Variants in MBTD1 observed in about 807,000 individuals in gnomAD.
MBTD1 encodes mbt domain containing 1, also known as MBT domain-containing protein 1.
In MBTD1, 24 loss-of-function variants were observed where a neutral mutation model predicts 87.8. The observed-to-expected ratio is 0.27, with a 90% CI of 0.20 to 0.38. The LOEUF (loss-of-function observed/expected upper bound fraction) is 0.38. Among genes scored for constraint, MBTD1 ranks in the 10% least tolerant of loss-of-function variants. MBTD1 has a pLI of 1.00. For missense variants in MBTD1, 436 were observed against 760.2 expected, an observed-to-expected ratio of 0.57 and a Z score of 5.02; for synonymous variants, 237 against 248.6, an observed-to-expected ratio of 0.95 and a Z score of 0.44.
At chr17:51,219,896 C>A (rs2052786898) in intron 4 of MBTD1, among the ~76,000 whole-genome samples, 1 of 152,068 alleles carries the variant, frequency 6.6e-6, no homozygotes, top group South Asian at 2.1e-4. Flanking sequence ...TACATTTGGT[C>A]AATGTATCAA....
At chr17:51,218,306 A>T (rs1376502799) in intron 5 of MBTD1, among the ~76,000 whole-genome samples, 1 of 151,934 alleles carries the variant, frequency 6.6e-6, no homozygotes, top group African/African-American at 2.4e-5. Flanking sequence ...AGGTGGGTGG[A>T]TCATTTGAGG....
At chr17:51,203,283 A>C (rs2051600953) in intron 8 of MBTD1, 55 bp from the exon 9 acceptor site, 2 of 879,896 alleles carry the variant, frequency 2.3e-6, no homozygotes, top group South Asian at 4.4e-5. Context: ...TGCTTCATAA[A>C]TTATTTGTTA....
intron 2 of MBTD1, among the ~76,000 whole-genome samples, chr17:51,234,132 G>A (rs1291109841): frequency 6.6e-6 from 1 of 152,114 alleles, no homozygotes; most frequent in Non-Finnish European, 1.5e-5. Context: ...GCTCATGCCT[G>A]TAATTCCAGC....
intron 16 of MBTD1, among the ~76,000 whole-genome samples, chr17:51,187,863 AAAG>A (rs1434432582): frequency 1.7e-5 from 2 of 118,580 alleles, no homozygotes; most frequent in Non-Finnish European, 3.7e-5. Flanking sequence ...AGAAAGAAAG[AAAG>A]AAAAAAAAAA....
intron 2 of MBTD1, among the ~76,000 whole-genome samples, chr17:51,237,358 G>A (rs1328435545): frequency 6.7e-6 from 1 of 148,684 alleles, no homozygotes; most frequent in Non-Finnish European, 1.5e-5. Context: ...TCAAAATGAA[G>A]CATTTCTGCT....
intron 2 of MBTD1, among the ~76,000 whole-genome samples, chr17:51,225,660 G>A (rs2053172625): frequency 1.3e-5 from 2 of 151,994 alleles, no homozygotes; most frequent in South Asian, 4.2e-4. Context: ...CTGCCTCAAG[G>A]GATGTCCTGC....
intron 2 of MBTD1, among the ~76,000 whole-genome samples, chr17:51,242,445 T>C (rs2144046218): frequency 6.6e-6 from 1 of 152,336 alleles, no homozygotes; most frequent in African/African-American, 2.4e-5. Flanking sequence ...AAAAAAACTG[T>C]TGGAGTTTAG....
At chr17:51,196,938 GAGT>G (rs2051142229) in intron 12 of MBTD1, among the ~76,000 whole-genome samples, 1 of 150,444 alleles carries the variant, frequency 6.6e-6, no homozygotes, top group Admixed American at 6.6e-5. Context: ...CAAGGTTATA[GAGT>G]AGTAGAATAA....
intron 6 of MBTD1, among the ~76,000 whole-genome samples, chr17:51,212,425 T>G (rs576816771): frequency 6.8e-6 from 1 of 147,302 alleles, no homozygotes; most frequent in Non-Finnish European, 1.5e-5. Context: ...TCTGCATCTA[T>G]GTGTACAAAT....
At chr17:51,251,332 T>C (rs2054769576) in intron 2 of MBTD1, 1 of 152,176 alleles carries the variant, frequency 6.6e-6, no homozygotes, top group Non-Finnish European at 1.5e-5. Flanking sequence ...TTCTTCTTCT[T>C]CACTGCCATG....
chr17:51,203,900 T>A lies in MBTD1; in HGVS notation c.630A>T (p.Glu210Asp). 1.9e-6 allele frequency: 3 copies of A among 1,610,138 alleles called. No homozygotes were observed. Among genetic ancestry groups the A allele is most frequent in the Non-Finnish European group, 2.5e-6 (3 of 1,178,822 alleles). ...CCAGACCAGAGTCATTTTCAAATCC[T>A]TCATATCTTAAAAGGGCATTGTAAC... ...LAGYNALLRY[E>D]GFENDSGLDF... The change falls in exon 8 of 17, where the codon GAA (glutamate) becomes GAT (aspartate). Residue 210 changes from glutamate (E) to aspartate (D), a missense_variant. Glu to Asp is a conservative substitution (Grantham distance 45). Around this residue, in one of 5 missense-constraint regions of MBTD1, gnomAD observed 268 missense variants for 401.8 expected, o/e 0.67. Coordinates refer to ENST00000586178, the MANE Select transcript of MBTD1 (RefSeq NM_017643.3).
At chr17:51,241,894 T>C (rs755633106) in intron 2 of MBTD1, among the ~76,000 whole-genome samples, 14 of 152,166 alleles carry the variant, frequency 9.2e-5, no homozygotes, top group Admixed American at 5.9e-4. Context: ...AACTCGTTAT[T>C]GTCCTTAATT....
chr17:51,216,394 A>G (rs922417596), intron 6 of MBTD1, among the ~76,000 whole-genome samples: 1 of 152,252 alleles, frequency 6.6e-6, no homozygotes, highest in Middle Eastern at 3.2e-3. Flanking sequence ...TCAAATCTAA[A>G]GGAATAAAAT....
At chr17:51,212,607 G>A (rs1389589249) in intron 6 of MBTD1, among the ~76,000 whole-genome samples, 1 of 150,666 alleles carries the variant, frequency 6.6e-6, no homozygotes. Flanking sequence ...GAAAGAAAAT[G>A]ACTTTATGTA....
At chr17:51,241,213 A>G (rs2054144669) in intron 2 of MBTD1, among the ~76,000 whole-genome samples, 1 of 152,112 alleles carries the variant, frequency 6.6e-6, no homozygotes, top group African/African-American at 2.4e-5. Context: ...GCCTCATGTG[A>G]TCCTCCTGCC....
chr17:51,209,526 G>A, intron 6 of MBTD1: 1 of 468,744 alleles, frequency 2.1e-6, no homozygotes, highest in South Asian at 1.6e-5. Context: ...CCACATGACT[G>A]TAAGAAAATA....
At chr17:51,187,706 C>T (rs758580766) in intron 16 of MBTD1, among the ~76,000 whole-genome samples, 9 of 151,748 alleles carry the variant, frequency 5.9e-5, no homozygotes, top group African/African-American at 1.9e-4. Flanking sequence ...AAAAATTAGC[C>T]GTAAGTAGTG....
chr17:51,254,957 A>G (rs1381189259), intron 2 of MBTD1, among the ~76,000 whole-genome samples: 1 of 152,208 alleles, frequency 6.6e-6, no homozygotes, highest in Non-Finnish European at 1.5e-5. Context: ...ATGTGGTCTG[A>G]ATGATCAAAC....
intron 2 of MBTD1, among the ~76,000 whole-genome samples, chr17:51,244,423 T>TC (rs2054318245): frequency 6.6e-6 from 1 of 152,214 alleles, no homozygotes; most frequent in African/African-American, 2.4e-5. Context: ...TCTTGTGTCC[T>TC]CTTTTTTTTC....
Sources: allele counts gnomAD v4.1 joint callset (sites outside exome capture counted in the v4.1 genomes callset), GRCh38; gene constraint gnomAD v4.1.1; regional missense constraint gnomAD v4.1.1; transcripts MANE v1.5; gene names NCBI Gene and HGNC (gene_info 2026-07-23, HGNC 2026-07-21).